The following MYLK3 variants were observed in gnomAD, a reference collection of about 807,000 sequenced individuals.
MYLK3 encodes the protein myosin light chain kinase 3, also known as MLC kinase.
A neutral mutation model predicts 76.3 loss-of-function variants in MYLK3; 55 were observed. The ratio of observed to expected loss-of-function variants is 0.72; its 90% CI spans 0.58 to 0.90. The LOEUF (loss-of-function observed/expected upper bound fraction) is 0.90. Ranked by LOEUF, MYLK3 falls within the 40% of genes least tolerant of loss-of-function variation. MYLK3 has a pLI of 0.00. For missense variants in MYLK3, 973 were observed against 1,053.6 expected (o/e 0.92, Z 1.06); for synonymous variants, 416 against 425.4 (o/e 0.98, Z 0.27).
Position 46,748,122 on chromosome 16 carries a change from G to C in MYLK3, c.72C>G (p.Thr24=). 1 of 1,614,240 alleles carries C rather than the reference G, an allele frequency of 6.2e-7. No homozygotes were observed. Among genetic ancestry groups the C allele is most frequent in the Non-Finnish European group, 8.5e-7 (1 of 1,180,034 alleles). ...LPGLGKTCLT[T]MDTKLNMLNE... ...TCAGCATGTTCAGCTTTGTGTCCAT[G>C]GTTGTTAAGCAGGTCTTGCCCAACC... Residue 24 remains threonine, a synonymous_variant, in exon 1 of 13, where the codon ACC becomes ACG. Transcript: ENST00000394809. This position sits in a 1 kb window ranked among gnomAD's most constrained non-coding sequence, Gnocchi z 4.3.
Position 46,703,729 on chromosome 16 carries a change from C to T in MYLK3, c.*3975G>A, listed in dbSNP as rs1202843071. 1 of 153,668 alleles carries T rather than the reference C, an allele frequency of 6.5e-6. No homozygotes were observed. Among genetic ancestry groups the T allele is most frequent in the Non-Finnish European group, 1.5e-5 (1 of 68,040 alleles). The allele number at this position is 153,668 out of a possible 1,614,324, so 9.5% of individuals were successfully genotyped here. A position where few individuals can be genotyped will look rare whatever the true frequency, so the allele number is the denominator to read the frequency against. On this transcript the variant is annotated 3_prime_UTR_variant, in exon 13 of 13. Transcript: ENST00000394809. The stretch of plus-strand genomic sequence containing the variant: ...TGTGTTGGCCTGGCCTAAACAGACC[C>T]CTCAAAGGAACTTTGGAGGGAAATT...
At position 46,747,836 on chromosome 16, in the gene MYLK3, C is replaced by T. The variant is rs753532294; in HGVS notation, c.358G>A (p.Ala120Thr). The change falls in exon 1 of 13, where the codon GCG (alanine) becomes ACG (threonine). Residue 120 changes from alanine to threonine, a missense_variant. Physicochemically the swap from Ala to Thr is moderately conservative, Grantham distance 58 (BLOSUM62 0). This residue lies in a region of MYLK3 where 641 missense variants were observed against 637.0 expected (regional missense o/e 1.01). Transcript: ENST00000394809. Reference sequence around the variant, plus strand: ...ACCAAAGCGATGGCCCTGTCCACCGCAGCCACCATCCTGAAGAGGGCCTCC... The same window carrying T: ...ACCAAAGCGATGGCCCTGTCCACCGTAGCCACCATCCTGAAGAGGGCCTCC... The part of the protein sequence containing the change: ...RLEALFRMVA[A>T]VDRAIALVGA... 1.2e-6 allele frequency: 2 copies of T among 1,614,204 alleles called. No homozygotes were observed. Among genetic ancestry groups the T allele is most frequent in the South Asian group, 2.2e-5 (2 of 91,090 alleles).
intron 2 of MYLK3, among the ~76,000 whole-genome samples, 179 bp from the exon 3 acceptor site, chr16:46,738,322 G>A (rs908587498): frequency 2.6e-5 from 4 of 152,194 alleles, no homozygotes; most frequent in South Asian, 2.1e-4. Context: ...CAAGGAGTGC[G>A]GCACAGCCGT....
chr16:46,715,294 C>T (rs189425688), intron 9 of MYLK3, among the ~76,000 whole-genome samples: 2 of 152,352 alleles, frequency 1.3e-5, no homozygotes, highest in East Asian at 3.9e-4. Context: ...CAGCATACCA[C>T]TCCCCCAGCT....
chr16:46,730,910 G>A (rs1047803520), intron 4 of MYLK3, among the ~76,000 whole-genome samples: 6 of 152,180 alleles, frequency 3.9e-5, no homozygotes, highest in African/African-American at 9.7e-5. Flanking sequence ...CAGGTCTCCC[G>A]GCACCCAGGA....
rs530918844 is a variant in MYLK3 at position 46,737,806 on chromosome 16, C to G, written c.906G>C (p.Thr302=). Residue 302 remains threonine, a synonymous_variant, in exon 3 of 13, where the codon ACG becomes ACC. Transcript: ENST00000394809. ...RPDPEPLEEG[T]RLTPGPGPQC... ...GAGGGCCAGGCCCTGGAGTCAGCCTCGTGCCTTCCTCTAAGGGCTCAGGGT... is the reference window on the plus strand; with the variant it reads ...GAGGGCCAGGCCCTGGAGTCAGCCTGGTGCCTTCCTCTAAGGGCTCAGGGT... 6.2e-7 allele frequency: 1 copy of G among 1,612,830 alleles called. No individual in the cohort carries two copies. Among genetic ancestry groups the G allele is most frequent in the Non-Finnish European group, 8.5e-7 (1 of 1,180,030 alleles).
upstream of MYLK3, among the ~76,000 whole-genome samples, chr16:46,753,187 G>C (rs958204081): frequency 6.6e-6 from 1 of 152,156 alleles, no homozygotes; most frequent in African/African-American, 2.4e-5. Flanking sequence ...TTTCCCTGTA[G>C]GACCCCAGAG....
intron 10 of MYLK3, among the ~76,000 whole-genome samples, chr16:46,711,963 C>CA (rs1297617488): frequency 2.7e-5 from 4 of 150,480 alleles, no homozygotes; most frequent in African/African-American, 9.8e-5. Context: ...GTCTCAGTAC[C>CA]AAAAAATTCA....
intron 1 of MYLK3, among the ~76,000 whole-genome samples, chr16:46,753,493 C>T (rs1967155777): frequency 6.6e-6 from 1 of 152,082 alleles, no homozygotes; most frequent in African/African-American, 2.4e-5. Context: ...GAAATATGCA[C>T]AGACAAAAAG....
Position 46,729,000 on chromosome 16 carries a change from G to A in MYLK3, c.1772+24C>T, listed in dbSNP as rs116137457. 1,709 of 1,585,460 alleles carry A rather than the reference G, an allele frequency of 1.1e-3. 14 individuals carry two copies. The African/African-American group carries it at 0.018, about 17-fold the overall frequency. On this transcript the variant is annotated intron_variant, in intron 7 of 12. Transcript: ENST00000394809. ...ACTGAGCCCTGGCTTGAGCCGAGGC[G>A]GCCGCCCCGCCTCTGATACTCACTA...
chr16:46,727,076 G>A (rs1596757584), intron 8 of MYLK3, 160 bp downstream of exon 8: 2 of 572,238 alleles, frequency 3.5e-6, no homozygotes, highest in East Asian at 5.9e-5. Flanking sequence ...ACAGCCCCAA[G>A]AGGCAGCAAG....
At position 46,732,233 on chromosome 16, in the gene MYLK3, G is replaced by C. The variant is rs376686041; in HGVS notation, c.1437C>G (p.Gly479=). ...CCAGAACCACGCTGCCAGCCTCGGC[G>C]CCTGGGGGCATCCTCCTTACTGCTT... ...RAEAVRRMPP[G]AEAGSVVLDD... is the part of the protein sequence containing the mutation. The change falls in exon 4 of 13, where the codon GGC becomes GGG. Residue 479 remains glycine (G), a synonymous_variant. Transcript: ENST00000394809. The C allele has an allele frequency of 1.3e-6, 2 of 1,592,344 alleles. No homozygotes were observed. The highest frequency in any genetic ancestry group is 8.5e-7 in the Non-Finnish European group (1 of 1,172,620).
chr16:46,714,999 A>G (rs893594433), intron 9 of MYLK3, among the ~76,000 whole-genome samples: 2 of 152,198 alleles, frequency 1.3e-5, no homozygotes. Flanking sequence ...ATGTCAAGGT[A>G]TTATCATGAC....
At chr16:46,753,173 C>T (rs899819615), upstream of MYLK3, among the ~76,000 whole-genome samples, 1 of 152,202 alleles carries the variant, frequency 6.6e-6, no homozygotes, top group African/African-American at 2.4e-5. Context: ...GGCATGGAGC[C>T]AGCTTTCCCT....
intron 9 of MYLK3, among the ~76,000 whole-genome samples, chr16:46,713,199 C>CTTT (rs11408687): frequency 3.6e-5 from 5 of 137,836 alleles, no homozygotes; most frequent in East Asian, 2.1e-4. Flanking sequence ...TATATGATGC[C>CTTT]TTTTTTTTTT....
chr16:46,758,304 ACT>A (rs3044832), intron 1 of MYLK3, among the ~76,000 whole-genome samples: 2,877 of 87,166 alleles, frequency 0.033, 49 homozygotes, highest in East Asian at 0.053. Flanking sequence ...ACACACACAC[ACT>A]CTCTCTCTCT....
rs1966590539 is a variant in MYLK3 at position 46,702,947 on chromosome 16, T to A, written c.*4757A>T. Among the ~76,000 whole-genome samples the A allele has an allele frequency of 9.3e-6, 1 of 107,928 alleles. No homozygotes were observed. Among genetic ancestry groups the A allele is most frequent in the Non-Finnish European group, 1.9e-5 (1 of 52,780 alleles). 70.8% of individuals were successfully genotyped at this position (107,928 alleles called of 152,430 possible). On this transcript the variant is annotated 3_prime_UTR_variant, in exon 13 of 13. Coordinates refer to ENST00000394809, the MANE Select transcript of MYLK3 (RefSeq NM_182493.3). ...AAAGAAAAAAAAAAAAAGGAATACA[T>A]GCTCATTGTAAAAAAAAAAAAAAAA...
rs556445304 is a variant in MYLK3 at position 46,735,267 on chromosome 16, A to G, written c.1001+2444T>C. On this transcript the variant is annotated intron_variant, in intron 3 of 12. Coordinates refer to ENST00000394809, the MANE Select transcript of MYLK3 (RefSeq NM_182493.3). The stretch of plus-strand genomic sequence containing the variant: ...GTCCCCTAGGCTGGAGTGCAATGGC[A>G]CAATCTTGGCTCACCGCAACCTCCG... Among the ~76,000 whole-genome samples, 11 of 152,142 alleles carry G rather than the reference A, an allele frequency of 7.2e-5. No homozygotes were observed. In the East Asian group the frequency reaches 2.1e-3, roughly 29 times the overall value.
Position 46,732,338 on chromosome 16 carries a change from G to T in MYLK3, c.1332C>A (p.Gly444=). 6.2e-7 allele frequency: 1 copy of T among 1,613,032 alleles called. No individual in the cohort carries two copies. ...CCCCTGGGCTTTTGCCCTGCTGCAG[G>T]CCCAGGGCCCCAACCTCGTGGTCAT... ...DDNDHEVGAL[G]LQQGKSPGAG... Residue 444 remains glycine, a synonymous_variant, in exon 4 of 13, where the codon GGC becomes GGA. Coordinates refer to ENST00000394809, the MANE Select transcript of MYLK3 (RefSeq NM_182493.3).
Sources: allele counts gnomAD v4.1 joint callset (sites outside exome capture counted in the v4.1 genomes callset), GRCh38; gene constraint gnomAD v4.1.1; regional missense constraint gnomAD v4.1.1; non-coding constraint Gnocchi (gnomAD v3.1); transcripts MANE v1.5; gene names NCBI Gene and HGNC (gene_info 2026-07-23, HGNC 2026-07-21).